The following KMT2C variants were observed in gnomAD, a reference collection of about 807,000 sequenced individuals.
The protein encoded by KMT2C is lysine methyltransferase 2C.
In KMT2C, 88 loss-of-function variants were observed where a neutral mutation model predicts 507.9. The ratio of observed to expected loss-of-function variants is 0.17; its 90% CI spans 0.15 to 0.21. KMT2C has a LOEUF of 0.21. Ranked by LOEUF, KMT2C falls within the 10% of genes least tolerant of loss-of-function variation. KMT2C has a pLI of 1.00. For synonymous variants in KMT2C, 2,049 were observed against 2,080.8 expected, an observed-to-expected ratio of 0.98 and a Z score of 0.42; for missense variants, 4,954 against 5,957.8, an observed-to-expected ratio of 0.83 and a Z score of 5.55.
intron 9 of KMT2C, 44 bp from the exon 10 acceptor site, chr7:152,252,759 T>C (rs2095581207): frequency 2.9e-6 from 4 of 1,402,504 alleles, no homozygotes; most frequent in South Asian, 2.5e-5. Flanking sequence ...TTGTTATGCA[T>C]TTGTAATTGT....
chr7:152,183,654 T>C (rs1158374851), intron 34 of KMT2C, among the ~76,000 whole-genome samples: 1 of 151,998 alleles, frequency 6.6e-6, no homozygotes, highest in Non-Finnish European at 1.5e-5. Flanking sequence ...CCCAGTACTT[T>C]GGGAGGCTGA....
intron 55 of KMT2C, among the ~76,000 whole-genome samples, chr7:152,142,396 A>C (rs775874565): frequency 2.0e-5 from 3 of 152,276 alleles, no homozygotes; most frequent in Non-Finnish European, 4.4e-5. Flanking sequence ...CTATTCAATT[A>C]AGGTAACATC....
At chr7:152,369,648 T>G (rs1234156139) in intron 1 of KMT2C, among the ~76,000 whole-genome samples, 2 of 151,930 alleles carry the variant, frequency 1.3e-5, no homozygotes, top group Non-Finnish European at 2.9e-5. Flanking sequence ...CCCACAAGAG[T>G]AGGTTGTTAT....
intron 2 of KMT2C, among the ~76,000 whole-genome samples, chr7:152,346,122 G>A (rs1386218137): frequency 6.6e-6 from 1 of 152,196 alleles, no homozygotes; most frequent in Non-Finnish European, 1.5e-5. Context: ...ATCTCAAGGA[G>A]TAAGAGATGA....
chr7:152,431,867 T>C (rs1395756813), intron 1 of KMT2C, among the ~76,000 whole-genome samples: 1 of 152,186 alleles, frequency 6.6e-6, no homozygotes, highest in African/African-American at 2.4e-5. Flanking sequence ...AATAGTGCTG[T>C]CTCTCAACTA....
chr7:152,225,050 G>A (rs2094886549), intron 18 of KMT2C, among the ~76,000 whole-genome samples: 1 of 152,092 alleles, frequency 6.6e-6, no homozygotes, highest in Non-Finnish European at 1.5e-5. Flanking sequence ...TGAGTTCTTA[G>A]GGACATTTTA....
Position 152,162,858 on chromosome 7 carries a change from A to C in KMT2C, c.10719T>G (p.Asp3573Glu), listed in dbSNP as rs2092529955. 6.2e-7 allele frequency: 1 copy of C among 1,614,060 alleles called. No individual in the cohort carries two copies. Among genetic ancestry groups the C allele is most frequent in the Non-Finnish European group, 8.5e-7 (1 of 1,180,036 alleles). Residue 3573 changes from aspartate to glutamate, a missense_variant, in exon 43 of 59, where the codon GAT becomes GAG. This residue lies in a region of KMT2C where 801 missense variants were observed against 751.2 expected (regional missense o/e 1.07). Coordinates refer to ENST00000262189, the MANE Select transcript of KMT2C (RefSeq NM_170606.3). Reference sequence around the variant, plus strand: ...AACTGTGTCCATGGGTTATAGTAGAATCTTGGCCACATGGGAGACTGCTAT... The same window carrying C: ...AACTGTGTCCATGGGTTATAGTAGACTCTTGGCCACATGGGAGACTGCTAT... Reference protein sequence around the residue: ...VANSSLPCGQDSTITHGHSYP... With the variant: ...VANSSLPCGQESTITHGHSYP...
At chr7:152,362,310 G>A (rs759205714) in intron 1 of KMT2C, among the ~76,000 whole-genome samples, 3 of 152,076 alleles carry the variant, frequency 2.0e-5, no homozygotes, top group Non-Finnish European at 2.9e-5. Flanking sequence ...AAGTGAGGGG[G>A]GTTAGAGGGA....
At chr7:152,178,316 T>TAAGAACAATACTACTGGACTTTTTC (rs2093300401) in intron 37 of KMT2C, among the ~76,000 whole-genome samples, 2 of 152,134 alleles carry the variant, frequency 1.3e-5, no homozygotes, top group African/African-American at 4.8e-5. Context: ...TGTTCAGAGA[T>TAAGAACAATACTACTGGACTTTTTC]AAGAACAATA....
intron 18 of KMT2C, among the ~76,000 whole-genome samples, chr7:152,227,865 G>A (rs1273996260): frequency 2.0e-5 from 3 of 152,158 alleles, no homozygotes; most frequent in Admixed American, 6.5e-5. Flanking sequence ...AAAGACAAGT[G>A]AAGCACAACC....
chr7:152,163,860 A>G, intron 42 of KMT2C, 34 bp from the exon 43 acceptor site: 2 of 1,586,636 alleles, frequency 1.3e-6, no homozygotes, highest in Non-Finnish European at 1.7e-6. Flanking sequence ...ACTCATTTCT[A>G]TACAGCATAG....
intron 1 of KMT2C, among the ~76,000 whole-genome samples, chr7:152,359,638 G>A (rs1333198855): frequency 2.0e-5 from 3 of 151,648 alleles, no homozygotes; most frequent in African/African-American, 7.3e-5. Flanking sequence ...AGGCAAACAT[G>A]GTGGCGTGCC....
At chr7:152,364,039 A>G (rs2097217195) in intron 1 of KMT2C, among the ~76,000 whole-genome samples, 1 of 152,220 alleles carries the variant, frequency 6.6e-6, no homozygotes, top group Non-Finnish European at 1.5e-5. Context: ...GCAGGGCTAA[A>G]TGAGCCACAG....
intron 8 of KMT2C, among the ~76,000 whole-genome samples, 161 bp downstream of exon 8, chr7:152,264,873 GATAA>G (rs1245259239): frequency 2.6e-5 from 4 of 151,150 alleles, no homozygotes; most frequent in South Asian, 2.1e-4. Flanking sequence ...ATATATACTG[GATAA>G]ATGTTATAAT....
intron 1 of KMT2C, among the ~76,000 whole-genome samples, chr7:152,362,208 C>T (rs540591210): frequency 6.6e-6 from 1 of 152,076 alleles, no homozygotes; most frequent in African/African-American, 2.4e-5. Flanking sequence ...CACTTTAGCA[C>T]AGAACTGAAG....
chr7:152,205,364 A>T, intron 24 of KMT2C, 139 bp from the exon 25 acceptor site: 4 of 292,668 alleles, frequency 1.4e-5, no homozygotes, highest in East Asian at 6.7e-5. Flanking sequence ...CAATAACCTG[A>T]TTTTTAGGTA....
chr7:152,383,853 A>G, intron 1 of KMT2C, among the ~76,000 whole-genome samples: 1 of 152,144 alleles, frequency 6.6e-6, no homozygotes, highest in Admixed American at 6.5e-5. Context: ...TTAGTTGTCC[A>G]CACTCATCAT....
intron 14 of KMT2C, among the ~76,000 whole-genome samples, chr7:152,247,390 G>C (rs1376672641): frequency 2.0e-5 from 3 of 151,956 alleles, no homozygotes; most frequent in African/African-American, 4.8e-5. Context: ...AGTCCTACTT[G>C]AAAAAAGAAA....
intron 10 of KMT2C, 100 bp downstream of exon 10, chr7:152,252,446 C>A (rs1197006778): frequency 6.5e-6 from 6 of 916,578 alleles, no homozygotes; most frequent in Admixed American, 2.2e-5. Flanking sequence ...GATGGAATTG[C>A]TAGAGTGATA....
Sources: allele counts gnomAD v4.1 joint callset (sites outside exome capture counted in the v4.1 genomes callset), GRCh38; gene constraint gnomAD v4.1.1; regional missense constraint gnomAD v4.1.1; transcripts MANE v1.5; gene names NCBI Gene and HGNC (gene_info 2026-07-23, HGNC 2026-07-21).